Variants in AFF3 observed in about 807,000 individuals in gnomAD.
AFF3 encodes the protein AF4/FMR2 family member 3.
A neutral mutation model predicts 129.7 loss-of-function variants in AFF3; 32 were observed. The observed-to-expected ratio is 0.25, with a 90% CI of 0.19 to 0.33. The LOEUF is 0.33. AFF3 is among the 10% of genes least tolerant of loss of function. AFF3 has a pLI of 1.00. For missense variants in AFF3, 1,373 were observed against 1,592.0 expected (o/e 0.86, Z 2.34); for synonymous variants, 644 against 635.4 (o/e 1.01, Z -0.20).
intron 7 of AFF3, among the ~76,000 whole-genome samples, chr2:99,883,006 C>G (rs1287594509): frequency 6.6e-6 from 1 of 152,156 alleles, no homozygotes; most frequent in Non-Finnish European, 1.5e-5. Context: ...ATATTTAACT[C>G]TGAAGAAGTG....
intron 7 of AFF3, among the ~76,000 whole-genome samples, chr2:99,969,153 T>C (rs956869182): frequency 4.6e-5 from 7 of 152,212 alleles, no homozygotes; most frequent in Admixed American, 3.3e-4. Flanking sequence ...GAGGAGAAGA[T>C]GGAGGTGCAC....
chr2:100,120,676 T>A (rs1278761863), intron 2 of AFF3, among the ~76,000 whole-genome samples: 1 of 152,136 alleles, frequency 6.6e-6, no homozygotes, highest in Admixed American at 6.6e-5. Context: ...CATTTTTTTT[T>A]AAGAGATTGG....
At chr2:99,743,592 T>C (rs1408207389) in intron 10 of AFF3, among the ~76,000 whole-genome samples, 3 of 152,204 alleles carry the variant, frequency 2.0e-5, no homozygotes, top group Admixed American at 1.3e-4. Flanking sequence ...AAAAAGCCCA[T>C]GTGTTTTAAT....
chr2:99,737,639 T>C (rs1258499337), intron 10 of AFF3, among the ~76,000 whole-genome samples: 1 of 149,216 alleles, frequency 6.7e-6, no homozygotes, highest in African/African-American at 2.5e-5. Flanking sequence ...AGTGTGGACT[T>C]TTTTTTTTTT....
intron 7 of AFF3, among the ~76,000 whole-genome samples, chr2:99,920,896 G>A (rs1695814270): frequency 6.6e-6 from 1 of 151,962 alleles, no homozygotes; most frequent in Non-Finnish European, 1.5e-5. Context: ...ACAAGAGTAT[G>A]AAAAACATCA....
chr2:99,689,665 A>G (rs1675411923), intron 11 of AFF3, among the ~76,000 whole-genome samples: 1 of 150,316 alleles, frequency 6.7e-6, no homozygotes, highest in Non-Finnish European at 1.5e-5. Context: ...GCAAAAAAAA[A>G]AAAAAAAAAA....
intron 2 of AFF3, among the ~76,000 whole-genome samples, chr2:100,128,220 C>A (rs1426793607): frequency 1.3e-5 from 2 of 152,154 alleles, no homozygotes; most frequent in Non-Finnish European, 1.5e-5. Context: ...AGTAGCCATT[C>A]GTTTATTCCT....
chr2:99,741,743 A>C (rs1418664648), intron 10 of AFF3, among the ~76,000 whole-genome samples: 1 of 152,036 alleles, frequency 6.6e-6, no homozygotes, highest in African/African-American at 2.4e-5. Context: ...TGGAACCAAA[A>C]AAGAGCCCGC....
intron 18 of AFF3, among the ~76,000 whole-genome samples, chr2:99,577,872 C>T (rs1207983929): frequency 1.3e-5 from 2 of 152,104 alleles, no homozygotes; most frequent in Non-Finnish European, 2.9e-5. Flanking sequence ...CATTTTTCTT[C>T]CTATATAAGA....
chr2:100,042,937 T>G (rs760271655), intron 4 of AFF3, among the ~76,000 whole-genome samples: 1 of 152,182 alleles, frequency 6.6e-6, no homozygotes, highest in Non-Finnish European at 1.5e-5. Context: ...CGTACTGATG[T>G]TTTTCTCGGC....
intron 7 of AFF3, among the ~76,000 whole-genome samples, chr2:99,873,366 T>C (rs1279959299): frequency 6.6e-6 from 1 of 152,234 alleles, no homozygotes; most frequent in Non-Finnish European, 1.5e-5. Flanking sequence ...TACATCTATC[T>C]AATGTATTAT....
chr2:100,116,087 G>A (rs1050861683), intron 2 of AFF3, among the ~76,000 whole-genome samples: 2 of 152,018 alleles, frequency 1.3e-5, no homozygotes, highest in Non-Finnish European at 2.9e-5. Context: ...ACAATGATGA[G>A]TGGTCTCTCC....
chr2:100,052,395 T>C (rs1686411768), intron 4 of AFF3, among the ~76,000 whole-genome samples: 3 of 152,092 alleles, frequency 2.0e-5, no homozygotes. Context: ...TTCCACAACA[T>C]GGATTTAGGG....
chr2:99,769,990 G>A (rs1440524556), intron 8 of AFF3, among the ~76,000 whole-genome samples: 1 of 152,182 alleles, frequency 6.6e-6, no homozygotes, highest in Non-Finnish European at 1.5e-5. Context: ...CCACTCCCTG[G>A]CTACAGCCTG....
chr2:100,016,343 T>C (rs961901413), intron 4 of AFF3, among the ~76,000 whole-genome samples: 2 of 150,204 alleles, frequency 1.3e-5, no homozygotes, highest in Non-Finnish European at 3.0e-5. Flanking sequence ...GTGGTAGTGA[T>C]AGTGATGGTG....
chr2:99,660,560 A>T (rs1686139807), intron 12 of AFF3, among the ~76,000 whole-genome samples: 1 of 152,238 alleles, frequency 6.6e-6, no homozygotes. Context: ...TATATGTGAA[A>T]GTGCTTTCGC....
At chr2:99,715,490 T>C (rs936379993) in intron 11 of AFF3, among the ~76,000 whole-genome samples, 2 of 152,132 alleles carry the variant, frequency 1.3e-5, no homozygotes, top group African/African-American at 4.8e-5. Flanking sequence ...AGAAGGAACA[T>C]TTCATGGGTC....
intron 4 of AFF3, among the ~76,000 whole-genome samples, chr2:100,009,746 G>T (rs1322392539): frequency 6.6e-6 from 1 of 152,122 alleles, no homozygotes; most frequent in Non-Finnish European, 1.5e-5. Context: ...GAAAACAAAG[G>T]GGCTAATTCA....
chr2:99,583,555 CAT>C (rs1374825641), intron 16 of AFF3, among the ~76,000 whole-genome samples: 1 of 152,006 alleles, frequency 6.6e-6, no homozygotes, highest in Non-Finnish European at 1.5e-5. Context: ...GCTAATTTTT[CAT>C]ATTTTTTGTA....
Sources: allele counts gnomAD v4.1 joint callset (sites outside exome capture counted in the v4.1 genomes callset), GRCh38; gene constraint gnomAD v4.1.1; transcripts MANE v1.5; gene names NCBI Gene and HGNC (gene_info 2026-07-23, HGNC 2026-07-21).